DOCK7: variants seen among roughly 807,000 people sequenced by gnomAD.
DOCK7 encodes dedicator of cytokinesis 7.
DOCK7 carries 138 observed loss-of-function variants against 271.0 expected under a neutral mutation model. The observed-to-expected ratio is 0.51, with a 90% CI of 0.44 to 0.59. DOCK7 has a LOEUF of 0.59. Ranked by LOEUF, DOCK7 falls within the 20% of genes least tolerant of loss-of-function variation. The probability of loss-of-function intolerance (pLI) is 0.00; values close to 1 mark genes in which losing one functional copy is unlikely to be tolerated. For missense variants in DOCK7, 2,066 were observed against 2,592.4 expected (o/e 0.80, Z 4.41); for synonymous variants, 823 against 876.1 (o/e 0.94, Z 1.07).
chr1:62,541,101 C>T (rs923938243), intron 25 of DOCK7, among the ~76,000 whole-genome samples: 9 of 151,694 alleles, frequency 5.9e-5, no homozygotes, highest in African/African-American at 2.2e-4. Context: ...TATTTTTTTA[C>T]ATACTTCTTT....
At chr1:62,455,724 G>A (rs369281906) in intron 49 of DOCK7, among the ~76,000 whole-genome samples, 28 of 152,276 alleles carry the variant, frequency 1.8e-4, no homozygotes, top group East Asian at 1.7e-3. Context: ...AACAAGACAA[G>A]GACTTAAGGG....
intron 1 of DOCK7, among the ~76,000 whole-genome samples, chr1:62,665,960 A>T (rs1366646961): frequency 2.0e-5 from 3 of 151,900 alleles, no homozygotes; most frequent in Non-Finnish European, 2.9e-5. Flanking sequence ...TCATGAGATC[A>T]GGACCATCCT....
chr1:62,547,844 T>C (rs1258771051), intron 22 of DOCK7, among the ~76,000 whole-genome samples: 1 of 152,174 alleles, frequency 6.6e-6, no homozygotes, highest in Non-Finnish European at 1.5e-5. Flanking sequence ...TCAGGTTATA[T>C]AAATATTCTT....
At position 62,474,030 on chromosome 1, in the gene DOCK7, A is replaced by G; in HGVS notation, c.6164T>C (p.Phe2055Ser). 1 of 1,614,098 alleles carries G rather than the reference A, an allele frequency of 6.2e-7. No individual in the cohort carries two copies. Among genetic ancestry groups the G allele is most frequent in the South Asian group, 1.1e-5 (1 of 91,062 alleles). Residue 2055 changes from phenylalanine (F) to serine (S), a missense_variant, in exon 48 of 50, where the codon TTC becomes TCC. By Grantham distance (155) the Phe-to-Ser change is radical. Around this residue, in one of 2 missense-constraint regions of DOCK7, gnomAD observed 652 missense variants for 922.1 expected, o/e 0.71. Transcript: ENST00000635253. ...LSEIPSDPKL[F>S]RHHNKLRLCF... ...GAGTCGCAGTTTATTATGATGTCTG[A>G]AGAGCTTTGGGTCACTAGGTATTTC...
intron 44 of DOCK7, 124 bp from the exon 45 acceptor site, chr1:62,476,280 TTAAAAG>T (rs1645966700): frequency 1.6e-6 from 1 of 608,496 alleles, no homozygotes; most frequent in African/African-American, 1.8e-5. Context: ...ATATCAATAA[TTAAAAG>T]TAATGATTTA....
intron 1 of DOCK7, among the ~76,000 whole-genome samples, chr1:62,675,509 G>A (rs913377023): frequency 6.6e-6 from 1 of 152,180 alleles, no homozygotes; most frequent in African/African-American, 2.4e-5. Context: ...TTGGCCAGAC[G>A]CGATGGCTCA....
chr1:62,458,483 A>G (rs1645415358), intron 48 of DOCK7: 1 of 151,632 alleles, frequency 6.6e-6, no homozygotes, highest in African/African-American at 2.4e-5. Flanking sequence ...TGTGGCACCA[A>G]TGTCATCTGG....
Position 62,477,845 on chromosome 1 carries a change from G to A in DOCK7, c.5509-20C>T. On this transcript the variant is annotated intron_variant, in intron 43 of 49. Transcript: ENST00000635253. Reference sequence around the variant, plus strand: ...CATCCGCTTACCATCCTAGGTTTAGGAAAATGGAGAAACTTTAATATGAAA... The same window carrying A: ...CATCCGCTTACCATCCTAGGTTTAGAAAAATGGAGAAACTTTAATATGAAA... 1 of 1,565,990 alleles carries A rather than the reference G, an allele frequency of 6.4e-7. No homozygotes were observed. The highest frequency in any genetic ancestry group is 8.6e-7 in the Non-Finnish European group (1 of 1,158,722).
chr1:62,570,154 C>T (rs2149466491), intron 18 of DOCK7, among the ~76,000 whole-genome samples: 1 of 152,304 alleles, frequency 6.6e-6, no homozygotes, highest in Middle Eastern at 3.4e-3. Flanking sequence ...TAGAAAAACC[C>T]ACTGTCTCAG....
intron 48 of DOCK7, among the ~76,000 whole-genome samples, chr1:62,460,191 A>G (rs1459143891): frequency 2.0e-5 from 3 of 151,748 alleles, no homozygotes; most frequent in African/African-American, 7.3e-5. Context: ...CAAGGCTGGG[A>G]TACCAAAACC....
intron 1 of DOCK7, among the ~76,000 whole-genome samples, chr1:62,670,769 G>C (rs1394310224): frequency 1.3e-5 from 2 of 152,006 alleles, no homozygotes; most frequent in Non-Finnish European, 1.5e-5. Flanking sequence ...CAGGCCACTC[G>C]ACTCTACCAA....
chr1:62,671,131 A>G (rs1659949995), intron 1 of DOCK7, among the ~76,000 whole-genome samples: 1 of 152,076 alleles, frequency 6.6e-6, no homozygotes, highest in South Asian at 2.1e-4. Flanking sequence ...AACTCTGAAC[A>G]CATCTGAACA....
chr1:62,506,541 G>A (rs1250412541), intron 35 of DOCK7, among the ~76,000 whole-genome samples: 1 of 151,752 alleles, frequency 6.6e-6, no homozygotes, highest in Admixed American at 6.6e-5. Flanking sequence ...CTTGATCTTG[G>A]CTCACTGCAA....
intron 46 of DOCK7, 27 bp from the exon 47 acceptor site, chr1:62,475,378 A>T (rs780244444): frequency 4.4e-6 from 7 of 1,609,096 alleles, no homozygotes; most frequent in South Asian, 3.3e-5. Context: ...CTGTTAAATC[A>T]GTGTACTGAC....
At chr1:62,599,058 A>G (rs533319690) in intron 14 of DOCK7, among the ~76,000 whole-genome samples, 1 of 152,202 alleles carries the variant, frequency 6.6e-6, no homozygotes, top group South Asian at 2.1e-4. Context: ...CAAAGATAAT[A>G]ACAGAACTTA....
chr1:62,472,265 C>T (rs533788707), intron 48 of DOCK7, among the ~76,000 whole-genome samples: 57 of 152,092 alleles, frequency 3.7e-4, no homozygotes, highest in Middle Eastern at 3.4e-3. Context: ...CCACCATGCT[C>T]GGCTAATTTT....
At chr1:62,556,905 T>C (rs1646162478) in intron 20 of DOCK7, among the ~76,000 whole-genome samples, 1 of 152,158 alleles carries the variant, frequency 6.6e-6, no homozygotes, top group Admixed American at 6.6e-5. Context: ...CCTGTGTTTC[T>C]GGTTAATCCT....
chr1:62,580,405 A>G (rs752934735), intron 16 of DOCK7, among the ~76,000 whole-genome samples: 20 of 152,248 alleles, frequency 1.3e-4, no homozygotes, highest in Non-Finnish European at 2.4e-4. Flanking sequence ...ACAATGTCAG[A>G]TGGCATAGTC....
chr1:62,630,355 T>A (rs908515139), intron 11 of DOCK7, among the ~76,000 whole-genome samples: 5 of 152,162 alleles, frequency 3.3e-5, no homozygotes, highest in African/African-American at 1.2e-4. Flanking sequence ...CCACTCTGCA[T>A]GTAAGTTCCC....
Sources: gnomAD v4.1 joint callset for allele counts (sites outside exome capture counted in the v4.1 genomes callset) on GRCh38, gnomAD v4.1.1 for gene constraint, gnomAD v4.1.1 regional missense constraint, MANE v1.5 for transcripts, NCBI Gene and HGNC (gene_info 2026-07-23, HGNC 2026-07-21) for gene names.